Variants in PARD3B observed in about 807,000 individuals in gnomAD.
The protein encoded by PARD3B is partitioning defective 3 homolog B.
Under a neutral mutation model 130.2 loss-of-function variants are expected in PARD3B, and 103 were observed. The ratio of observed to expected loss-of-function variants is 0.79; its 90% CI spans 0.67 to 0.93. The LOEUF is 0.93. Ranked by LOEUF, PARD3B falls within the 40% of genes least tolerant of loss-of-function variation. The probability of loss-of-function intolerance (pLI) is 0.00; values close to 1 mark genes in which losing one functional copy is unlikely to be tolerated. For synonymous variants in PARD3B, 583 were observed against 553.2 expected (o/e 1.05, Z -0.76); for missense variants, 1,609 against 1,499.2 (o/e 1.07, Z -1.21).
chr2:205,596,180 T>C (rs1480066208), intron 22 of PARD3B, among the ~76,000 whole-genome samples: 1 of 152,164 alleles, frequency 6.6e-6, no homozygotes, highest in Non-Finnish European at 1.5e-5. Flanking sequence ...TTACCAACCA[T>C]GTAATGATCA....
chr2:205,247,603 G>A (rs752940300), intron 16 of PARD3B, among the ~76,000 whole-genome samples: 11 of 152,128 alleles, frequency 7.2e-5, no homozygotes, highest in Non-Finnish European at 1.0e-4. Flanking sequence ...TTACTAATTA[G>A]TACTGTTATT....
chr2:205,457,341 G>A (rs1194337348), intron 20 of PARD3B, among the ~76,000 whole-genome samples: 2 of 151,912 alleles, frequency 1.3e-5, no homozygotes, highest in Non-Finnish European at 2.9e-5. Context: ...TGCATATTCT[G>A]TAGTGATATC....
At chr2:205,085,916 TA>T (rs1701715164) in intron 4 of PARD3B, among the ~76,000 whole-genome samples, 1 of 152,220 alleles carries the variant, frequency 6.6e-6, no homozygotes, top group South Asian at 2.1e-4. Flanking sequence ...ATACATTATA[TA>T]AGGCTGTATC....
chr2:205,612,685 A>T (rs899967950), intron 22 of PARD3B, among the ~76,000 whole-genome samples: 3 of 152,200 alleles, frequency 2.0e-5, no homozygotes, highest in African/African-American at 4.8e-5. Context: ...GCTAACTGTT[A>T]TGATGAGTTC....
chr2:205,254,345 A>T (rs1308850737), intron 16 of PARD3B, among the ~76,000 whole-genome samples: 1 of 152,152 alleles, frequency 6.6e-6, no homozygotes, highest in East Asian at 1.9e-4. Context: ...GTGAGCTCTT[A>T]CATAATGGAC....
intron 15 of PARD3B, among the ~76,000 whole-genome samples, chr2:205,231,537 A>G (rs2038839105): frequency 6.9e-6 from 1 of 144,622 alleles, no homozygotes; most frequent in African/African-American, 2.6e-5. Context: ...GGGTTTTGCC[A>G]TGTTGCCCAG....
chr2:205,580,641 T>C (rs1039241360), intron 22 of PARD3B, among the ~76,000 whole-genome samples: 4 of 152,236 alleles, frequency 2.6e-5, no homozygotes, highest in Non-Finnish European at 5.9e-5. Context: ...TATGTCTTAC[T>C]CTATATGACT....
intron 19 of PARD3B, among the ~76,000 whole-genome samples, chr2:205,415,746 G>C (rs1169105295): frequency 6.6e-6 from 1 of 151,908 alleles, no homozygotes; most frequent in Admixed American, 6.6e-5. Flanking sequence ...TTTTTTAATT[G>C]TGACATAATA....
intron 2 of PARD3B, among the ~76,000 whole-genome samples, chr2:204,692,548 T>A (rs1258958546): frequency 6.6e-6 from 1 of 151,956 alleles, no homozygotes; most frequent in Non-Finnish European, 1.5e-5. Flanking sequence ...TTAGCCCTCA[T>A]TTTATCAGTA....
At position 205,473,040 on chromosome 2, in the gene PARD3B, A is replaced by C. The variant is rs2048893915; in HGVS notation, c.3045-26856A>C. 6.6e-6 allele frequency among the ~76,000 whole-genome samples: 1 copy of C among 152,190 alleles called. No individual in the cohort carries two copies. The highest frequency in any genetic ancestry group is 1.5e-5 in the Non-Finnish European group (1 of 68,008). On this transcript the variant is annotated intron_variant, in intron 20 of 22. Coordinates refer to ENST00000406610, the MANE Select transcript of PARD3B (RefSeq NM_001302769.2). This position sits in a 1 kb window ranked among gnomAD's most constrained non-coding sequence, Gnocchi z 4.9. ...CCAAAAATAGAAGTTGAAGTGGTCCATTTGAGCTAGAAGCTTGGCAATTTT... is the reference window on the plus strand; with the variant it reads ...CCAAAAATAGAAGTTGAAGTGGTCCCTTTGAGCTAGAAGCTTGGCAATTTT...
At chr2:204,773,967 A>G (rs1427414033) in intron 2 of PARD3B, among the ~76,000 whole-genome samples, 1 of 151,902 alleles carries the variant, frequency 6.6e-6, no homozygotes, top group Non-Finnish European at 1.5e-5. Flanking sequence ...CTCATTTTTC[A>G]TTCCTTTTCT....
intron 4 of PARD3B, among the ~76,000 whole-genome samples, chr2:205,099,969 G>A (rs997903112): frequency 4.3e-4 from 66 of 152,258 alleles, no homozygotes; most frequent in African/African-American, 1.6e-3. Context: ...TTCTCCAAAT[G>A]TGTAGTCAGT....
At chr2:204,851,881 C>T (rs543898669) in intron 2 of PARD3B, among the ~76,000 whole-genome samples, 3 of 152,098 alleles carry the variant, frequency 2.0e-5, no homozygotes, top group South Asian at 4.2e-4. Flanking sequence ...TTAGTAGAGA[C>T]GGGGTTTCAC....
At chr2:204,763,007 A>C (rs2125411827) in intron 2 of PARD3B, among the ~76,000 whole-genome samples, 1 of 151,914 alleles carries the variant, frequency 6.6e-6, no homozygotes, top group East Asian at 1.9e-4. Context: ...TGATCCGCCC[A>C]CCTCGGCCTC....
intron 15 of PARD3B, among the ~76,000 whole-genome samples, chr2:205,216,195 C>T (rs111315444): frequency 1.7e-3 from 261 of 152,248 alleles, no homozygotes; most frequent in African/African-American, 6.0e-3. Context: ...ACTATAGTAA[C>T]GTGCTCTATG....
intron 2 of PARD3B, among the ~76,000 whole-genome samples, chr2:204,741,369 G>A (rs12613874): frequency 0.56 from 85,820 of 151,930 alleles, 26,817 homozygotes; most frequent in East Asian, 0.69. Flanking sequence ...TTTTTTCTAT[G>A]ATAGGCCTGA....
chr2:205,125,666 A>G lies in PARD3B; in HGVS notation c.1363A>G (p.Ser455Gly), dbSNP rs2031297859. 2.5e-6 allele frequency: 4 copies of G among 1,614,144 alleles called. No homozygotes were observed. The highest frequency in any genetic ancestry group is 3.4e-6 in the Non-Finnish European group (4 of 1,180,006). The change falls in exon 10 of 23, where the codon AGC becomes GGC. Residue 455 changes from serine (S) to glycine (G), a missense_variant. Ser to Gly is a moderately conservative substitution (Grantham distance 56). Coordinates refer to ENST00000406610, the MANE Select transcript of PARD3B (RefSeq NM_001302769.2). The surrounding 1 kb of genome is among the most constrained non-coding windows in gnomAD (Gnocchi z 4.0). The part of the protein sequence containing the change: ...TQEELVAMLR[S>G]TKQGETASLV... Reference sequence around the variant, plus strand: ...GGAAGAGCTTGTGGCCATGCTCAGGAGCACCAAGCAGGGGGAGACAGCATC... The same window carrying G: ...GGAAGAGCTTGTGGCCATGCTCAGGGGCACCAAGCAGGGGGAGACAGCATC...
At chr2:204,718,505 C>G (rs958726559) in intron 2 of PARD3B, among the ~76,000 whole-genome samples, 7 of 152,042 alleles carry the variant, frequency 4.6e-5, no homozygotes, top group African/African-American at 1.7e-4. Context: ...GTGAGAACAG[C>G]ATAGGGGAAA....
chr2:205,067,959 C>G (rs1286460333), intron 4 of PARD3B, among the ~76,000 whole-genome samples: 1 of 152,082 alleles, frequency 6.6e-6, no homozygotes, highest in Non-Finnish European at 1.5e-5. Flanking sequence ...TGAGATAGTT[C>G]TGTACTTTTA....
Sources: allele counts gnomAD v4.1 joint callset (sites outside exome capture counted in the v4.1 genomes callset), GRCh38; gene constraint gnomAD v4.1.1; non-coding constraint Gnocchi (gnomAD v3.1); transcripts MANE v1.5; gene names NCBI Gene and HGNC (gene_info 2026-07-23, HGNC 2026-07-21).